The following TPST1 variants were observed in gnomAD, a reference collection of about 807,000 sequenced individuals.
TPST1 encodes tyrosylprotein sulfotransferase 1, also known as protein-tyrosine sulfotransferase 1.
A neutral mutation model predicts 34.8 loss-of-function variants in TPST1; 20 were observed. The ratio of observed to expected loss-of-function variants is 0.57; its 90% confidence interval spans 0.40 to 0.84. The LOEUF is 0.84. Ranked by LOEUF, TPST1 falls within the 40% of genes least tolerant of loss-of-function variation. TPST1 has a pLI of 0.00. For synonymous variants in TPST1, 152 were observed against 159.4 expected (o/e 0.95, Z 0.35); for missense variants, 353 against 455.5 (o/e 0.78, Z 2.05).
At chr7:66,230,702 G>A (rs946285115) in intron 1 of TPST1, among the ~76,000 whole-genome samples, 4 of 152,266 alleles carry the variant, frequency 2.6e-5, no homozygotes, top group East Asian at 1.9e-4. Flanking sequence ...TGCAAAGAGC[G>A]AAAGAACAAA....
intron 2 of TPST1, among the ~76,000 whole-genome samples, chr7:66,245,482 A>T (rs1790127774): frequency 6.6e-6 from 1 of 152,234 alleles, no homozygotes; most frequent in African/African-American, 2.4e-5. Flanking sequence ...AAACCCGATC[A>T]GATCCTGAGA....
chr7:66,241,390 T>C, intron 2 of TPST1, 120 bp downstream of exon 2: 1 of 1,221,350 alleles, frequency 8.2e-7, no homozygotes, highest in Non-Finnish European at 1.1e-6. Flanking sequence ...ATATAGAAAC[T>C]GAAGACCTTT....
At chr7:66,215,712 T>C (rs1015260183) in intron 1 of TPST1, among the ~76,000 whole-genome samples, 1 of 151,576 alleles carries the variant, frequency 6.6e-6, no homozygotes, top group Non-Finnish European at 1.5e-5. Context: ...TGTCAATTTT[T>C]TTTTTTAACT....
At chr7:66,337,819 C>T (rs1465065453) in intron 3 of TPST1, among the ~76,000 whole-genome samples, 1 of 151,920 alleles carries the variant, frequency 6.6e-6, no homozygotes, top group Non-Finnish European at 1.5e-5. Context: ...TCACAGTAAC[C>T]ATAAAGCAAA....
At chr7:66,271,986 GT>G (rs1323318603) in intron 2 of TPST1, among the ~76,000 whole-genome samples, 1 of 152,176 alleles carries the variant, frequency 6.6e-6, no homozygotes, top group Non-Finnish European at 1.5e-5. Context: ...TCTTCAGAAA[GT>G]GTCTGTGGGA....
Position 66,356,870 on chromosome 7 carries a change from A to G in TPST1, c.*28A>G. On this transcript the variant is annotated splice_region_variant and 3_prime_UTR_variant, in exon 5 of 6. Transcript: ENST00000304842. ...GAACCAGGAGCCTCTTCCATACATG[A>G]GGTGAGGGTTGGGGGACATTGCCAG... is the stretch of plus-strand genomic sequence containing the variant. 2 of 1,614,028 alleles carry G rather than the reference A, an allele frequency of 1.2e-6. No homozygotes were observed. Among genetic ancestry groups the G allele is most frequent in the African/African-American group, 2.7e-5 (2 of 75,016 alleles).
intron 2 of TPST1, among the ~76,000 whole-genome samples, chr7:66,269,649 C>G (rs2032355923): frequency 6.6e-6 from 1 of 152,070 alleles, no homozygotes; most frequent in Admixed American, 6.6e-5. Flanking sequence ...CATTATATGC[C>G]CAGTAATATT....
intron 3 of TPST1, among the ~76,000 whole-genome samples, chr7:66,336,891 G>A (rs1214230232): frequency 6.6e-6 from 1 of 152,108 alleles, no homozygotes; most frequent in Non-Finnish European, 1.5e-5. Flanking sequence ...TACCCCAATA[G>A]AGCTTTCAGC....
At chr7:66,211,248 C>T (rs1272467692) in intron 1 of TPST1, among the ~76,000 whole-genome samples, 1 of 152,098 alleles carries the variant, frequency 6.6e-6, no homozygotes, top group Non-Finnish European at 1.5e-5. Flanking sequence ...AATTCTCCTG[C>T]CTCAGCCTCC....
chr7:66,236,848 G>C (rs115827415), intron 1 of TPST1, among the ~76,000 whole-genome samples: 1,904 of 152,228 alleles, frequency 0.013, 38 homozygotes, highest in African/African-American at 0.043. Context: ...GGCTTTCTAG[G>C]AGTTGCCTTC....
chr7:66,261,465 A>C (rs1790487654), intron 2 of TPST1, among the ~76,000 whole-genome samples: 1 of 152,098 alleles, frequency 6.6e-6, no homozygotes, highest in Non-Finnish European at 1.5e-5. Flanking sequence ...TTCAGTAACA[A>C]TCATTTGATA....
intron 2 of TPST1, among the ~76,000 whole-genome samples, chr7:66,263,950 TA>T (rs1239059173): frequency 6.6e-6 from 1 of 152,150 alleles, no homozygotes; most frequent in Non-Finnish European, 1.5e-5. Flanking sequence ...TGAATCTTAG[TA>T]AGAATAGTGA....
intron 2 of TPST1, among the ~76,000 whole-genome samples, chr7:66,275,923 AT>A (rs1253823674): frequency 1.3e-5 from 2 of 152,102 alleles, no homozygotes; most frequent in African/African-American, 4.8e-5. Flanking sequence ...AATTAGCTTG[AT>A]TGAGCCATTT....
chr7:66,241,263 C>A lies in TPST1; in HGVS notation c.838C>A (p.Leu280Met). Residue 280 changes from leucine (L) to methionine (M), a missense_variant, in exon 2 of 6, where the codon CTG becomes ATG. Transcript: ENST00000304842. ...GATTGGGAAAGCTGGGGGAGTGTCT[C>A]TGTCAAAGTGAGTAGAAGATACGTT... is the stretch of plus-strand genomic sequence containing the variant. Reference protein sequence around the residue: ...EMIGKAGGVSLSKVERSTDQV... With the variant: ...EMIGKAGGVSMSKVERSTDQV... 1 of 1,606,684 alleles carries A rather than the reference C, an allele frequency of 6.2e-7. No homozygotes were observed. The highest frequency in any genetic ancestry group is 8.5e-7 in the Non-Finnish European group (1 of 1,176,370).
intron 2 of TPST1, among the ~76,000 whole-genome samples, chr7:66,279,346 T>A (rs915450997): frequency 1.7e-4 from 26 of 152,192 alleles, no homozygotes; most frequent in African/African-American, 6.0e-4. Context: ...GGCATTTAGG[T>A]TGGTTCCATG....
chr7:66,216,785 A>G (rs754829012), intron 1 of TPST1, among the ~76,000 whole-genome samples: 2 of 152,126 alleles, frequency 1.3e-5, no homozygotes, highest in East Asian at 3.8e-4. Flanking sequence ...CTCTTTTTCT[A>G]GTTTCTTAAG....
chr7:66,350,814 A>G (rs987444582), intron 3 of TPST1, among the ~76,000 whole-genome samples: 10 of 152,136 alleles, frequency 6.6e-5, no homozygotes, highest in Admixed American at 4.6e-4. Flanking sequence ...CTTCATTGAC[A>G]TTACTTGTTC....
At chr7:66,344,151 T>G (rs1792294944) in intron 3 of TPST1, among the ~76,000 whole-genome samples, 1 of 152,092 alleles carries the variant, frequency 6.6e-6, no homozygotes, top group African/African-American at 2.4e-5. Flanking sequence ...ATCTCCACAC[T>G]TCAGGAGGCC....
intron 2 of TPST1, among the ~76,000 whole-genome samples, chr7:66,258,655 C>A (rs1455693005): frequency 2.0e-5 from 3 of 152,182 alleles, no homozygotes; most frequent in Non-Finnish European, 4.4e-5. Flanking sequence ...GTTTGGATTT[C>A]TTTCAGAGCT....
Sources: allele counts gnomAD v4.1 joint callset (sites outside exome capture counted in the v4.1 genomes callset), GRCh38; gene constraint gnomAD v4.1.1; transcripts MANE v1.5; gene names NCBI Gene and HGNC (gene_info 2026-07-23, HGNC 2026-07-21).